PTPRR: variants seen among roughly 807,000 people sequenced by gnomAD.
The protein encoded by PTPRR is receptor-type tyrosine-protein phosphatase R.
PTPRR carries 38 observed loss-of-function variants against 77.2 expected under a neutral mutation model. The observed-to-expected ratio is 0.49, with a 90% CI of 0.38 to 0.65. The LOEUF is 0.65. Ranked by LOEUF, PTPRR falls within the 30% of genes least tolerant of loss-of-function variation. PTPRR has a pLI of 0.00. For missense variants in PTPRR, 744 were observed against 799.2 expected, an observed-to-expected ratio of 0.93 and a Z score of 0.83; for synonymous variants, 299 against 283.1, an observed-to-expected ratio of 1.06 and a Z score of -0.57.
chr12:70,913,178 C>T (rs1400351329), intron 1 of PTPRR, among the ~76,000 whole-genome samples: 1 of 152,094 alleles, frequency 6.6e-6, no homozygotes, highest in Non-Finnish European at 1.5e-5. Flanking sequence ...AGTCTCCATT[C>T]TTCAGGTGTA....
intron 10 of PTPRR, among the ~76,000 whole-genome samples, chr12:70,669,559 T>TAC (rs566522694): frequency 0.056 from 7,941 of 141,706 alleles, 222 homozygotes; most frequent in South Asian, 0.079. Context: ...ATATATGTTA[T>TAC]ACACACACAC....
intron 1 of PTPRR, among the ~76,000 whole-genome samples, chr12:70,896,931 G>T (rs923300375): frequency 1.3e-5 from 2 of 151,780 alleles, no homozygotes; most frequent in African/African-American, 2.4e-5. Flanking sequence ...TAGATATGCG[G>T]CATTATTTCT....
chr12:70,817,401 TTGTTTTATGGATATAAAAGAGAA>T (rs1891923892), intron 2 of PTPRR, among the ~76,000 whole-genome samples: 1 of 152,200 alleles, frequency 6.6e-6, no homozygotes, highest in Non-Finnish European at 1.5e-5. Flanking sequence ...ATTTTAATAA[TTGTTTTATGGATATAAAAGAGAA>T]TGGTCTTGTT....
At chr12:70,848,528 T>A (rs994069063) in intron 2 of PTPRR, among the ~76,000 whole-genome samples, 5 of 152,184 alleles carry the variant, frequency 3.3e-5, no homozygotes, top group Non-Finnish European at 5.9e-5. Flanking sequence ...TCTACCATCT[T>A]GGCCAGGCTG....
intron 2 of PTPRR, among the ~76,000 whole-genome samples, chr12:70,888,304 A>C (rs80234105): frequency 0.034 from 5,101 of 152,128 alleles, 135 homozygotes; most frequent in Non-Finnish European, 0.054. Context: ...ATATCTTTTG[A>C]AAAAAAGCTA....
intron 2 of PTPRR, among the ~76,000 whole-genome samples, chr12:70,795,500 C>G (rs979411290): frequency 4.6e-5 from 7 of 152,266 alleles, no homozygotes; most frequent in Admixed American, 4.6e-4. Flanking sequence ...GTTATTAACT[C>G]ATAAGAATTC....
At chr12:70,694,341 T>G (rs1476197493) in intron 8 of PTPRR, among the ~76,000 whole-genome samples, 1 of 152,150 alleles carries the variant, frequency 6.6e-6, no homozygotes, top group Non-Finnish European at 1.5e-5. Context: ...AAAAGAAATA[T>G]GCATACAATT....
chr12:70,896,360 ACAC>A (rs1289229330), intron 1 of PTPRR, among the ~76,000 whole-genome samples: 2 of 151,640 alleles, frequency 1.3e-5, no homozygotes, highest in Non-Finnish European at 3.0e-5. Flanking sequence ...TTGTAAAAGA[ACAC>A]CACCATCAAC....
intron 2 of PTPRR, 89 bp from the exon 3 acceptor site, chr12:70,764,867 A>C (rs534446414): frequency 1.3e-4 from 122 of 969,496 alleles, no homozygotes; most frequent in Non-Finnish European, 1.8e-4. Flanking sequence ...TAATAAGTTC[A>C]CGACATTCAG....
At chr12:70,793,396 A>G (rs1285700265) in intron 2 of PTPRR, among the ~76,000 whole-genome samples, 5 of 152,168 alleles carry the variant, frequency 3.3e-5, no homozygotes, top group African/African-American at 1.2e-4. Context: ...ATCTTGTACA[A>G]TCTTAGAGAC....
At chr12:70,781,233 A>G (rs1364120852) in intron 2 of PTPRR, among the ~76,000 whole-genome samples, 1 of 152,240 alleles carries the variant, frequency 6.6e-6, no homozygotes, top group African/African-American at 2.4e-5. Context: ...TGACAACTTT[A>G]CAACTTTTCT....
At chr12:70,862,677 A>G (rs1892774115) in intron 2 of PTPRR, among the ~76,000 whole-genome samples, 1 of 151,786 alleles carries the variant, frequency 6.6e-6, no homozygotes, top group South Asian at 2.1e-4. Flanking sequence ...CCAGCATGGC[A>G]CATGTATACA....
intron 11 of PTPRR, 119 bp from the exon 12 acceptor site, chr12:70,661,216 GA>G (rs1411692949): frequency 2.2e-6 from 3 of 1,350,398 alleles, no homozygotes; most frequent in South Asian, 1.3e-5. Flanking sequence ...TTCTAGGTGG[GA>G]AAAAAATTTA....
chr12:70,903,135 A>C (rs1174384845), intron 1 of PTPRR, among the ~76,000 whole-genome samples: 6 of 151,672 alleles, frequency 4.0e-5, no homozygotes, highest in Non-Finnish European at 8.9e-5. Flanking sequence ...TTGTTGGTTA[A>C]AGGATATAAA....
chr12:70,773,634 A>C (rs1891028633), intron 2 of PTPRR, among the ~76,000 whole-genome samples: 2 of 152,174 alleles, frequency 1.3e-5, no homozygotes, highest in Non-Finnish European at 2.9e-5. Flanking sequence ...ACATGAATCC[A>C]GACACAATTT....
intron 10 of PTPRR, among the ~76,000 whole-genome samples, chr12:70,683,436 C>A (rs1887748228): frequency 1.3e-5 from 2 of 152,120 alleles, no homozygotes; most frequent in Admixed American, 6.5e-5. Flanking sequence ...AAATCAAATT[C>A]TGTCTTTCTT....
At chr12:70,641,624 C>T (rs1886005374) in intron 13 of PTPRR, among the ~76,000 whole-genome samples, 1 of 152,144 alleles carries the variant, frequency 6.6e-6, no homozygotes, top group Non-Finnish European at 1.5e-5. Context: ...ATGAAAAGTT[C>T]TCTTACCTCC....
intron 2 of PTPRR, among the ~76,000 whole-genome samples, chr12:70,872,762 TAAATGTGTGACAATGACAATCTTA>T (rs1416747876): frequency 7.7e-6 from 1 of 129,694 alleles, no homozygotes; most frequent in Admixed American, 7.6e-5. Flanking sequence ...AGGGCAAGGG[TAAATGTGTGACAATGACAATCTTA>T]AATGAGATGA....
intron 13 of PTPRR, among the ~76,000 whole-genome samples, chr12:70,656,085 G>A (rs1009177340): frequency 1.3e-5 from 2 of 151,966 alleles, no homozygotes; most frequent in Non-Finnish European, 2.9e-5. Context: ...ATGTGTAGTG[G>A]TGCTCGCCTA....
Sources: gnomAD v4.1 joint callset for allele counts (sites outside exome capture counted in the v4.1 genomes callset) on GRCh38, gnomAD v4.1.1 for gene constraint, MANE v1.5 for transcripts, NCBI Gene and HGNC (gene_info 2026-07-23, HGNC 2026-07-21) for gene names.